Variants in CACNA2D1 observed in about 807,000 individuals in gnomAD.
CACNA2D1 encodes voltage-dependent calcium channel subunit alpha-2/delta-1.
CACNA2D1 carries 53 observed loss-of-function variants against 171.5 expected under a neutral mutation model. The ratio of observed to expected loss-of-function variants is 0.31; its 90% confidence interval spans 0.25 to 0.39. The LOEUF is 0.39. Among genes scored for constraint, CACNA2D1 ranks in the 10% least tolerant of loss-of-function variants. CACNA2D1 has a pLI of 1.00. For synonymous variants in CACNA2D1, 442 were observed against 443.1 expected (o/e 1.00, Z 0.03); for missense variants, 903 against 1,299.8 (o/e 0.69, Z 4.69).
chr7:81,968,566 TAA>T (rs1006717738), intron 29 of CACNA2D1, among the ~76,000 whole-genome samples: 35 of 151,382 alleles, frequency 2.3e-4, no homozygotes, highest in African/African-American at 8.4e-4. Context: ...TTTAAAGTAT[TAA>T]GAGAGACTTC....
At chr7:82,005,721 G>GTT in intron 17 of CACNA2D1, 44 bp downstream of exon 17, 1 of 1,294,516 alleles carries the variant, frequency 7.7e-7, no homozygotes, top group South Asian at 1.2e-5. Flanking sequence ...TTAGTACAGA[G>GTT]TTCTAAACTA....
At chr7:82,369,333 A>ATTT (rs983315541) in intron 1 of CACNA2D1, among the ~76,000 whole-genome samples, 11 of 151,362 alleles carry the variant, frequency 7.3e-5, no homozygotes, top group Non-Finnish European at 1.5e-4. Context: ...TTCTCTTTAC[A>ATTT]TTTTACACTG....
intron 1 of CACNA2D1, among the ~76,000 whole-genome samples, chr7:82,378,422 T>G (rs1485423168): frequency 6.6e-6 from 1 of 152,020 alleles, no homozygotes; most frequent in African/African-American, 2.4e-5. Context: ...ATAAATAAAT[T>G]TAAAAAATAT....
intron 1 of CACNA2D1, among the ~76,000 whole-genome samples, chr7:82,412,911 T>C (rs1827823483): frequency 1.3e-5 from 2 of 152,086 alleles, no homozygotes; most frequent in South Asian, 4.2e-4. Context: ...CATTTCCCGT[T>C]ATTTTTCTCA....
chr7:82,168,341 T>C (rs1795680591), intron 4 of CACNA2D1, among the ~76,000 whole-genome samples: 1 of 152,046 alleles, frequency 6.6e-6, no homozygotes, highest in South Asian at 2.1e-4. Flanking sequence ...ATAGGGTTTC[T>C]CCATGTTGAC....
At chr7:82,157,156 T>C (rs1368003522) in intron 4 of CACNA2D1, among the ~76,000 whole-genome samples, 1 of 152,142 alleles carries the variant, frequency 6.6e-6, no homozygotes, top group African/African-American at 2.4e-5. Context: ...CTTGTCATGC[T>C]GTTTTTACTG....
intron 3 of CACNA2D1, among the ~76,000 whole-genome samples, chr7:82,328,326 T>C (rs1585514807): frequency 6.6e-6 from 1 of 152,130 alleles, no homozygotes; most frequent in South Asian, 2.1e-4. Context: ...CATATGTAGC[T>C]TGGGCCTCAT....
chr7:82,148,244 A>C (rs1252501619), intron 4 of CACNA2D1, among the ~76,000 whole-genome samples: 1 of 152,150 alleles, frequency 6.6e-6, no homozygotes, highest in Non-Finnish European at 1.5e-5. Flanking sequence ...TTAAAGTAGA[A>C]AGGAGATTTG....
chr7:82,346,095 CT>C (rs998594642), intron 2 of CACNA2D1, among the ~76,000 whole-genome samples: 18 of 152,162 alleles, frequency 1.2e-4, no homozygotes, highest in African/African-American at 4.1e-4. Context: ...CTCTCCAAAT[CT>C]CTTTCCCTTT....
chr7:82,257,632 G>A (rs1806462323), intron 3 of CACNA2D1, among the ~76,000 whole-genome samples: 1 of 152,100 alleles, frequency 6.6e-6, no homozygotes, highest in Non-Finnish European at 1.5e-5. Flanking sequence ...TGTCAAAATG[G>A]AATAATCATA....
At chr7:82,073,663 C>G (rs1351288943) in intron 7 of CACNA2D1, among the ~76,000 whole-genome samples, 1 of 152,048 alleles carries the variant, frequency 6.6e-6, no homozygotes, top group Non-Finnish European at 1.5e-5. Flanking sequence ...TGCAATGGTG[C>G]AACCTTGGCT....
intron 1 of CACNA2D1, among the ~76,000 whole-genome samples, chr7:82,407,467 A>C (rs1827181491): frequency 6.6e-6 from 1 of 152,152 alleles, no homozygotes; most frequent in Non-Finnish European, 1.5e-5. Flanking sequence ...TGGTCTGCAC[A>C]TTGGTCACAA....
intron 6 of CACNA2D1, 50 bp downstream of exon 6, chr7:82,116,994 G>A (rs201341755): frequency 6.2e-7 from 1 of 1,601,152 alleles, no homozygotes; most frequent in Non-Finnish European, 8.6e-7. Context: ...GGAAACATAA[G>A]ACAGGCGAGA....
chr7:82,217,284 A>C (rs992025214), intron 3 of CACNA2D1, among the ~76,000 whole-genome samples: 12 of 151,500 alleles, frequency 7.9e-5, no homozygotes, highest in African/African-American at 2.9e-4. Context: ...TCAACTAATA[A>C]AGATAAACAG....
chr7:82,047,057 T>C (rs1804635913), intron 10 of CACNA2D1, among the ~76,000 whole-genome samples: 1 of 152,058 alleles, frequency 6.6e-6, no homozygotes, highest in African/African-American at 2.4e-5. Flanking sequence ...GAATTTAGGA[T>C]CCCCCTGCAT....
intron 5 of CACNA2D1, among the ~76,000 whole-genome samples, chr7:82,132,914 T>C (rs185887330): frequency 1.2e-4 from 18 of 152,266 alleles, no homozygotes; most frequent in Admixed American, 1.1e-3. Flanking sequence ...TACAATAAAT[T>C]ATCATATAGT....
At chr7:82,219,657 A>C (rs1768627399) in intron 3 of CACNA2D1, among the ~76,000 whole-genome samples, 1 of 152,130 alleles carries the variant, frequency 6.6e-6, no homozygotes. Context: ...CTTTCTGAAA[A>C]GTTTAATAAA....
chr7:82,297,072 CAAAAAAAAA>C (rs57473351), intron 3 of CACNA2D1, among the ~76,000 whole-genome samples: 1 of 72,234 alleles, frequency 1.4e-5, no homozygotes. Context: ...CTGTGTCTAC[CAAAAAAAAA>C]AAAAAAAAAA....
intron 24 of CACNA2D1, among the ~76,000 whole-genome samples, chr7:81,981,943 C>A (rs964654021): frequency 6.6e-6 from 1 of 152,002 alleles, no homozygotes; most frequent in Non-Finnish European, 1.5e-5. Flanking sequence ...TCTACCCCTA[C>A]GTGTATAGAT....
Sources: allele counts gnomAD v4.1 joint callset (sites outside exome capture counted in the v4.1 genomes callset), GRCh38; gene constraint gnomAD v4.1.1; transcripts MANE v1.5; gene names NCBI Gene and HGNC (gene_info 2026-07-23, HGNC 2026-07-21).